CPPED1: variants seen among roughly 807,000 people sequenced by gnomAD.
CPPED1 encodes calcineurin like phosphoesterase domain containing 1.
CPPED1 carries 28 observed loss-of-function variants against 28.0 expected under a neutral mutation model. The observed-to-expected ratio is 1.00, with a 90% CI of 0.74 to 1.37. The LOEUF (loss-of-function observed/expected upper bound fraction) is 1.37, where lower values mean the gene tolerates loss of function less well. Ranked by LOEUF, CPPED1 falls within the 40% of genes most tolerant of loss-of-function variation. CPPED1 has a pLI of 0.00. For synonymous variants in CPPED1, 198 were observed against 180.2 expected (o/e 1.10, Z -0.79); for missense variants, 504 against 416.5 (o/e 1.21, Z -1.83).
rs55706541 is a variant in CPPED1 at position 12,747,432 on chromosome 16, AAAATAAATAAAT to A, written c.289+33741_289+33752del. Among the ~76,000 whole-genome samples the A allele has an allele frequency of 3.4e-4, 50 of 145,146 alleles. 2 individuals are homozygous for A. The South Asian group carries it at 3.7e-3, about 11-fold the overall frequency. ...GGACGAAAAGGGGGACTCTGTTTTA[AAAATAAATAAAT>A]AAATAAATAAATAAATAAATAAATA... On this transcript the variant is annotated intron_variant, in intron 2 of 3. Coordinates refer to ENST00000381774, the MANE Select transcript of CPPED1 (RefSeq NM_018340.3).
intron 2 of CPPED1, among the ~76,000 whole-genome samples, chr16:12,707,802 A>G (rs1265555340): frequency 1.3e-5 from 2 of 152,060 alleles, no homozygotes; most frequent in Non-Finnish European, 2.9e-5. Context: ...TCCCCCAGTA[A>G]TCTGTTAAAA....
intron 1 of CPPED1, among the ~76,000 whole-genome samples, chr16:12,798,407 A>G (rs552558586): frequency 1.3e-5 from 2 of 152,208 alleles, no homozygotes; most frequent in African/African-American, 2.4e-5. Flanking sequence ...TAAAACCACA[A>G]TATTTTCAAC....
chr16:12,695,039 A>G (rs1017262397), intron 3 of CPPED1, among the ~76,000 whole-genome samples: 1 of 152,108 alleles, frequency 6.6e-6, no homozygotes, highest in African/African-American at 2.4e-5. Flanking sequence ...CGCCCTCCCA[A>G]AGGACTGGTA....
intron 2 of CPPED1, among the ~76,000 whole-genome samples, chr16:12,758,829 C>CGATGATGAT (rs56848342): frequency 2.6e-5 from 4 of 151,560 alleles, no homozygotes; most frequent in Admixed American, 6.6e-5. Flanking sequence ...TAATAAGACA[C>CGATGATGAT]GATGATGATG....
chr16:12,666,312 T>C (rs2079825576), intron 3 of CPPED1, among the ~76,000 whole-genome samples: 1 of 151,998 alleles, frequency 6.6e-6, no homozygotes, highest in Non-Finnish European at 1.5e-5. Context: ...GGCAAAGTCA[T>C]GAGTGGGAGT....
chr16:12,772,690 G>A lies in CPPED1; in HGVS notation c.289+8495C>T, dbSNP rs8056665. 5.6e-3 allele frequency among the ~76,000 whole-genome samples: 857 copies of A among 152,232 alleles called. 5 individuals are homozygous for A. The highest frequency in any genetic ancestry group is 0.02 in the African/African-American group (816 of 41,542). ...GCAATGGATGTGCGAAAGTTAACTC[G>A]GGGAATGACATTAAATCAGAAAAGC... On this transcript the variant is annotated intron_variant, in intron 2 of 3. Coordinates refer to ENST00000381774, the MANE Select transcript of CPPED1 (RefSeq NM_018340.3).
chr16:12,736,387 A>G (rs2141208424), intron 2 of CPPED1, among the ~76,000 whole-genome samples: 1 of 151,966 alleles, frequency 6.6e-6, no homozygotes, highest in East Asian at 1.9e-4. Context: ...TTACAGGCAC[A>G]TACCACCATG....
intron 2 of CPPED1, among the ~76,000 whole-genome samples, chr16:12,770,098 G>A (rs2080461221): frequency 6.6e-6 from 1 of 152,164 alleles, no homozygotes; most frequent in Non-Finnish European, 1.5e-5. Flanking sequence ...GGAACTTATT[G>A]CTTACATGAA....
intron 2 of CPPED1, among the ~76,000 whole-genome samples, chr16:12,734,066 T>TG (rs1453592812): frequency 1.7e-5 from 2 of 117,788 alleles, no homozygotes; most frequent in African/African-American, 6.3e-5. Flanking sequence ...ACGTTTTTTT[T>TG]TTTTTTTTTT....
At chr16:12,766,094 C>T (rs2080436294) in intron 2 of CPPED1, among the ~76,000 whole-genome samples, 2 of 151,848 alleles carry the variant, frequency 1.3e-5, no homozygotes, top group African/African-American at 4.9e-5. Context: ...TGTTGATTTG[C>T]CAGGGGATTG....
At chr16:12,762,549 T>C (rs1251993381) in intron 2 of CPPED1, among the ~76,000 whole-genome samples, 1 of 152,198 alleles carries the variant, frequency 6.6e-6, no homozygotes, top group African/African-American at 2.4e-5. Context: ...GGATAAACCC[T>C]GAAAACATCA....
In CPPED1 at chr16:12,803,749, A is replaced by C; in HGVS notation, c.28T>G (p.Phe10Val). 6.3e-7 allele frequency: 1 copy of C among 1,597,844 alleles called. No individual in the cohort carries two copies. The highest frequency in any genetic ancestry group is 8.5e-7 in the Non-Finnish European group (1 of 1,173,502). Reference sequence around the variant, plus strand: ...AGGGTCCTGCCCCTGGCTCTGTGGAAAACACCCCCCGCCTCTGCAGCCGAC... The same window carrying C: ...AGGGTCCTGCCCCTGGCTCTGTGGACAACACCCCCCGCCTCTGCAGCCGAC... Reference protein sequence around the residue: MSAAEAGGVFHRARGRTLAA... With the variant: MSAAEAGGVVHRARGRTLAA... The change falls in exon 1 of 4, where the codon TTC (phenylalanine) becomes GTC (valine). Residue 10 changes from phenylalanine (F) to valine (V), a missense_variant. Coordinates refer to ENST00000381774, the MANE Select transcript of CPPED1 (RefSeq NM_018340.3).
intron 1 of CPPED1, among the ~76,000 whole-genome samples, chr16:12,795,698 C>T (rs1227657521): frequency 6.6e-6 from 1 of 152,200 alleles, no homozygotes; most frequent in Non-Finnish European, 1.5e-5. Context: ...TCCGGAGACT[C>T]CATGGTACAT....
At chr16:12,707,187 G>A (rs983113840) in intron 2 of CPPED1, among the ~76,000 whole-genome samples, 1 of 152,190 alleles carries the variant, frequency 6.6e-6, no homozygotes, top group Non-Finnish European at 1.5e-5. Context: ...GTGGTCCAAG[G>A]CTGATTCATT....
chr16:12,780,062 G>C (rs958844401), intron 2 of CPPED1, among the ~76,000 whole-genome samples: 2 of 152,078 alleles, frequency 1.3e-5, no homozygotes, highest in African/African-American at 2.4e-5. Context: ...CACTTTTTTC[G>C]GGGGAGACTG....
intron 1 of CPPED1, among the ~76,000 whole-genome samples, chr16:12,800,478 G>T (rs1256200572): frequency 6.6e-6 from 1 of 151,176 alleles, no homozygotes; most frequent in Non-Finnish European, 1.5e-5. Flanking sequence ...CAGAAATGCA[G>T]CCTCTGGACA....
chr16:12,763,280 T>C (rs1223109181), intron 2 of CPPED1, among the ~76,000 whole-genome samples: 4 of 149,562 alleles, frequency 2.7e-5, no homozygotes, highest in Non-Finnish European at 5.9e-5. Context: ...CCCAGGCTGG[T>C]CTCAAACTCC....
intron 3 of CPPED1, among the ~76,000 whole-genome samples, chr16:12,671,485 G>T (rs995177514): frequency 2.0e-4 from 30 of 152,136 alleles, no homozygotes; most frequent in Non-Finnish European, 3.2e-4. Flanking sequence ...TCTGCTTCTG[G>T]TGAGTGGGGT....
chr16:12,660,426 G>C lies in CPPED1; in HGVS notation c.*4460C>G, dbSNP rs904017845. On this transcript the variant is annotated 3_prime_UTR_variant, in exon 4 of 4. Transcript: ENST00000381774. ...TCCACTGGAGGAAAAGGAAAATTTA[G>C]TCAGCAAAATCTTTTCTAGATAAAT... The C allele has an allele frequency of 3.1e-4, 47 of 152,050 alleles. No homozygotes were observed. Among genetic ancestry groups the C allele is most frequent in the African/African-American group, 1.0e-3 (43 of 41,474 alleles). The allele number at this position is 152,050 out of a possible 1,614,324, so 9.4% of individuals were successfully genotyped here.
Sources: allele counts gnomAD v4.1 joint callset (sites outside exome capture counted in the v4.1 genomes callset), GRCh38; gene constraint gnomAD v4.1.1; transcripts MANE v1.5; gene names NCBI Gene and HGNC (gene_info 2026-07-23, HGNC 2026-07-21).